TXNRD2: variants seen among roughly 807,000 people sequenced by gnomAD.
The protein encoded by TXNRD2 is thioredoxin reductase 2, mitochondrial.
A neutral mutation model predicts 70.8 loss-of-function variants in TXNRD2; 67 were observed. That is an observed-to-expected ratio of 0.95 (90% CI 0.78 to 1.16). TXNRD2 has a LOEUF of 1.16. Among genes scored for constraint, TXNRD2 ranks in the 50% most tolerant of loss-of-function variants. The probability of loss-of-function intolerance (pLI) is 0.00; values close to 1 mark genes in which losing one functional copy is unlikely to be tolerated. For missense variants in TXNRD2, 644 were observed against 719.9 expected, an observed-to-expected ratio of 0.89 and a Z score of 1.21; for synonymous variants, 301 against 295.8, an observed-to-expected ratio of 1.02 and a Z score of -0.18.
At chr22:19,919,643 T>A in intron 2 of TXNRD2, 44 bp from the exon 3 acceptor site, 1 of 1,542,696 alleles carries the variant, frequency 6.5e-7, no homozygotes. Context: ...GGGAGCTGGC[T>A]CAGGACTCAA....
At chr22:19,920,073 G>A (rs764311791) in intron 2 of TXNRD2, among the ~76,000 whole-genome samples, 17 of 152,160 alleles carry the variant, frequency 1.1e-4, no homozygotes, top group Non-Finnish European at 2.1e-4. Flanking sequence ...ATCCCAGCCA[G>A]AGCCCCCTAG....
At chr22:19,879,728 G>A (rs958962183) in intron 14 of TXNRD2, among the ~76,000 whole-genome samples, 2 of 152,096 alleles carry the variant, frequency 1.3e-5, no homozygotes, top group African/African-American at 4.8e-5. Context: ...GCATCTTCGG[G>A]GCCCTGGTGC....
At chr22:19,929,895 G>A (rs1019552076) in intron 2 of TXNRD2, among the ~76,000 whole-genome samples, 6 of 152,188 alleles carry the variant, frequency 3.9e-5, no homozygotes, top group Admixed American at 2.6e-4. Flanking sequence ...CCTCTGCAGG[G>A]AAATGCCACT....
intron 8 of TXNRD2, among the ~76,000 whole-genome samples, chr22:19,909,900 C>CACACA (rs1940313733): frequency 9.2e-6 from 1 of 109,118 alleles, no homozygotes; most frequent in East Asian, 2.9e-4. Flanking sequence ...CACACACACA[C>CACACA]ACCACACACC....
At chr22:19,900,877 C>G (rs936190882) in intron 8 of TXNRD2, among the ~76,000 whole-genome samples, 3 of 152,244 alleles carry the variant, frequency 2.0e-5, no homozygotes, top group Non-Finnish European at 4.4e-5. Context: ...GCCCTTTGCC[C>G]CCTGCTCCCA....
At chr22:19,897,005 G>A (rs757882817) in intron 10 of TXNRD2, among the ~76,000 whole-genome samples, 1 of 152,152 alleles carries the variant, frequency 6.6e-6, no homozygotes, top group African/African-American at 2.4e-5. Flanking sequence ...GCCTGGGCAC[G>A]GCCCCCATTC....
intron 8 of TXNRD2, among the ~76,000 whole-genome samples, chr22:19,900,514 G>A (rs374712465): frequency 6.6e-6 from 1 of 152,194 alleles, no homozygotes; most frequent in South Asian, 2.1e-4. Context: ...ACTTTGGGAG[G>A]CCGAAGCAGG....
rs114554989 is a variant in TXNRD2, at chr22:19,877,069, G to A, written c.*36C>T. ...GTCTGGCCTCCGAGGAGCTGGCGGC[G>A]GGCGCACCGTGTGCCCTGGCCTGCA... On this transcript the variant is annotated 3_prime_UTR_variant, in exon 17 of 18. Coordinates refer to ENST00000400521, the MANE Select transcript of TXNRD2 (RefSeq NM_006440.5). 411 of 1,573,186 alleles carry A rather than the reference G, an allele frequency of 2.6e-4. 2 individuals carry two copies. In the African/African-American group the frequency reaches 3.9e-3, roughly 15 times the overall value.
intron 11 of TXNRD2, among the ~76,000 whole-genome samples, chr22:19,885,123 G>A (rs192499518): frequency 2.6e-5 from 4 of 152,138 alleles, no homozygotes; most frequent in African/African-American, 9.7e-5. Flanking sequence ...CTTCATAGCC[G>A]AACAGCCAGC....
intron 2 of TXNRD2, among the ~76,000 whole-genome samples, chr22:19,928,050 T>A (rs1941217277): frequency 6.6e-6 from 1 of 151,768 alleles, no homozygotes; most frequent in South Asian, 2.1e-4. Context: ...GAGGATCATT[T>A]GAGCCCAGGA....
chr22:19,936,497 TAC>T (rs1373252651), intron 1 of TXNRD2, among the ~76,000 whole-genome samples: 1 of 152,116 alleles, frequency 6.6e-6, no homozygotes, highest in Admixed American at 6.5e-5. Context: ...TCCAAACCTT[TAC>T]AGTCTTTGCC....
intron 8 of TXNRD2, chr22:19,910,887 C>A: frequency 3.7e-6 from 1 of 273,598 alleles, no homozygotes; most frequent in Non-Finnish European, 7.1e-6. Flanking sequence ...CCAGCCTGAC[C>A]AAGATGGTGA....
At chr22:19,877,280 G>A in intron 16 of TXNRD2, 46 bp from the exon 17 acceptor site, 1 of 1,556,092 alleles carries the variant, frequency 6.4e-7, no homozygotes, top group Non-Finnish European at 8.8e-7. Context: ...GCACAGGGAG[G>A]GGGGTCCACA....
chr22:19,885,056 G>GC (rs1428049251), intron 11 of TXNRD2, among the ~76,000 whole-genome samples: 3 of 151,646 alleles, frequency 2.0e-5, no homozygotes, highest in Non-Finnish European at 4.4e-5. Flanking sequence ...CAGCACAGCT[G>GC]CCCCCTGCCA....
intron 8 of TXNRD2, among the ~76,000 whole-genome samples, chr22:19,903,732 G>A (rs1194101903): frequency 2.0e-5 from 3 of 152,210 alleles, no homozygotes; most frequent in African/African-American, 7.2e-5. Flanking sequence ...CCTCTGTAAA[G>A]GAGCTCCCCG....
intron 1 of TXNRD2, 135 bp downstream of exon 1, chr22:19,941,566 C>A: frequency 7.7e-7 from 1 of 1,306,320 alleles, no homozygotes; most frequent in Non-Finnish European, 9.7e-7. Context: ...AAGACTAGAC[C>A]AAGAGGCCGG....
chr22:19,880,770 A>AG, intron 12 of TXNRD2, 53 bp from the exon 13 acceptor site: 2 of 1,320,860 alleles, frequency 1.5e-6, no homozygotes, highest in Non-Finnish European at 2.2e-6. Context: ...GGTTATATGC[A>AG]GCCCCTATGC....
intron 7 of TXNRD2, among the ~76,000 whole-genome samples, chr22:19,911,803 C>CG (rs1940425050): frequency 6.6e-6 from 1 of 152,166 alleles, no homozygotes; most frequent in South Asian, 2.1e-4. Flanking sequence ...CAAGTCTGCC[C>CG]GGGTTCTGGA....
At chr22:19,923,234 A>G (rs922674933) in intron 2 of TXNRD2, among the ~76,000 whole-genome samples, 3 of 152,034 alleles carry the variant, frequency 2.0e-5, no homozygotes, top group African/African-American at 7.3e-5. Context: ...TTAAAATTTA[A>G]AACTATTTTT....
Sources: gnomAD v4.1 joint callset for allele counts (sites outside exome capture counted in the v4.1 genomes callset) on GRCh38, gnomAD v4.1.1 for gene constraint, MANE v1.5 for transcripts, NCBI Gene and HGNC (gene_info 2026-07-23, HGNC 2026-07-21) for gene names.